TOP6BL: variants seen among roughly 807,000 people sequenced by gnomAD.
The protein encoded by TOP6BL is TOP6B like initiator of meiotic double strand breaks, also known as type 2 DNA topoisomerase 6 subunit B-like.
At chr11:66,770,864 AC>A in the TOP6BL span, among the ~76,000 whole-genome samples, 3 of 151,732 alleles carry the variant, frequency 2.0e-5, no homozygotes, top group Non-Finnish European at 4.4e-5. Flanking sequence ...TTGACTTTCT[AC>A]TTTTTCTTTC....
the TOP6BL span, among the ~76,000 whole-genome samples, chr11:66,784,811 A>G: frequency 6.6e-6 from 1 of 151,484 alleles, no homozygotes; most frequent in African/African-American, 2.4e-5. Flanking sequence ...GTTCTGAGTA[A>G]TCCTGCTATG....
chr11:66,843,420 A>ACGTCACTGTGT, the TOP6BL span: 1 of 1,402,008 alleles, frequency 7.1e-7, no homozygotes, highest in Non-Finnish European at 9.2e-7. Context: ...CCTCCCTGGG[A>ACGTCACTGTGT]CTGCGTCACT....
the TOP6BL span, chr11:66,800,746 T>C: frequency 6.9e-7 from 1 of 1,439,294 alleles, no homozygotes; most frequent in Non-Finnish European, 9.5e-7. Context: ...TCTGCAATTT[T>C]TCTCAGCTAT....
chr11:66,836,411 A>G, the TOP6BL span, among the ~76,000 whole-genome samples: 4 of 151,664 alleles, frequency 2.6e-5, no homozygotes, highest in East Asian at 2.0e-4. Context: ...GGGTTTCACA[A>G]TGTTAGCCAG....
the TOP6BL span, chr11:66,788,164 A>G: frequency 6.2e-7 from 1 of 1,609,994 alleles, no homozygotes; most frequent in Non-Finnish European, 8.5e-7. Context: ...ACACAGAAAT[A>G]CAGTCCATAC....
the TOP6BL span, among the ~76,000 whole-genome samples, chr11:66,789,624 AACC>A: frequency 0.01 from 1,548 of 152,316 alleles, 14 homozygotes; most frequent in Non-Finnish European, 0.018. Context: ...GATTCCAGTG[AACC>A]AAGAAGGGCA....
the TOP6BL span, among the ~76,000 whole-genome samples, chr11:66,808,618 A>C: frequency 6.6e-6 from 1 of 152,358 alleles, no homozygotes; most frequent in Non-Finnish European, 1.5e-5. Context: ...GTAAAATATG[A>C]AATACCTTTT....
chr11:66,824,690 T>C, the TOP6BL span, among the ~76,000 whole-genome samples: 2 of 146,686 alleles, frequency 1.4e-5, no homozygotes, highest in Non-Finnish European at 3.0e-5. Context: ...AGTGAGAACA[T>C]GTGGTGTTTG....
the TOP6BL span, among the ~76,000 whole-genome samples, chr11:66,764,124 G>A: frequency 2.6e-5 from 4 of 152,064 alleles, no homozygotes; most frequent in Admixed American, 1.3e-4. Flanking sequence ...TTAAGCCTAT[G>A]CCTAGAAAAA....
the TOP6BL span, among the ~76,000 whole-genome samples, chr11:66,782,418 G>T: frequency 6.6e-6 from 1 of 152,158 alleles, no homozygotes; most frequent in South Asian, 2.1e-4. Flanking sequence ...GACTCATGGG[G>T]AGCTCCTACA....
At chr11:66,752,992 G>A in the TOP6BL span, among the ~76,000 whole-genome samples, 826 of 152,118 alleles carry the variant, frequency 5.4e-3, 6 homozygotes, top group Middle Eastern at 0.041. Flanking sequence ...AGCCAGGTGT[G>A]GCAGTATGCG....
the TOP6BL span, among the ~76,000 whole-genome samples, chr11:66,755,029 G>A: frequency 1.6e-4 from 24 of 152,100 alleles, no homozygotes; most frequent in Admixed American, 1.5e-3. Flanking sequence ...TATAAATCAG[G>A]TTGTTTCTTG....
the TOP6BL span, among the ~76,000 whole-genome samples, chr11:66,766,421 A>G: frequency 6.6e-6 from 1 of 152,028 alleles, no homozygotes; most frequent in Non-Finnish European, 1.5e-5. Context: ...CTACTGGTTT[A>G]TTTTCTCTTT....
chr11:66,744,770 T>G, the TOP6BL span: 6 of 1,219,172 alleles, frequency 4.9e-6, no homozygotes, highest in East Asian at 1.6e-4. Flanking sequence ...GGCGTGGGCG[T>G]GGACTCGGGC....
At chr11:66,758,782 C>G in the TOP6BL span, among the ~76,000 whole-genome samples, 1 of 152,112 alleles carries the variant, frequency 6.6e-6, no homozygotes, top group African/African-American at 2.4e-5. Context: ...AAGAGGCAGT[C>G]CTGGTGTTGA....
the TOP6BL span, among the ~76,000 whole-genome samples, chr11:66,753,116 G>A: frequency 2.6e-5 from 4 of 151,994 alleles, no homozygotes; most frequent in Non-Finnish European, 5.9e-5. Context: ...GTGACAGAGT[G>A]AGACTCCGTC....
the TOP6BL span, chr11:66,748,659 G>A: frequency 1.5e-6 from 1 of 666,630 alleles, no homozygotes; most frequent in Non-Finnish European, 2.3e-6. Flanking sequence ...TATGTAATAA[G>A]TGTCTGGTGG....
At chr11:66,762,243 C>A in the TOP6BL span, 2 of 559,922 alleles carry the variant, frequency 3.6e-6, no homozygotes, top group Non-Finnish European at 6.5e-6. Context: ...GGGGCCCGGC[C>A]GCAGAACACG....
the TOP6BL span, among the ~76,000 whole-genome samples, chr11:66,751,537 A>G: frequency 3.5e-5 from 5 of 141,740 alleles, no homozygotes; most frequent in African/African-American, 7.9e-5. Context: ...AGGTCTCCCT[A>G]TGTTGCCCAG....
Sources: allele counts gnomAD v4.1 joint callset (sites outside exome capture counted in the v4.1 genomes callset), GRCh38; gene constraint gnomAD v4.1.1; transcripts MANE v1.5; gene names NCBI Gene and HGNC (gene_info 2026-07-23, HGNC 2026-07-21).